NARS2: variants seen among roughly 807,000 people sequenced by gnomAD.
The protein encoded by NARS2 is asparaginyl-tRNA synthetase 2, mitochondrial.
A neutral mutation model predicts 62.9 loss-of-function variants in NARS2; 60 were observed. The observed-to-expected ratio is 0.95, with a 90% CI of 0.77 to 1.18. The LOEUF (loss-of-function observed/expected upper bound fraction) is 1.18, where lower values mean the gene tolerates loss of function less well. Among genes scored for constraint, NARS2 ranks in the 50% most tolerant of loss-of-function variants. The pLI is 0.00. For synonymous variants in NARS2, 196 were observed against 200.0 expected (o/e 0.98, Z 0.17); for missense variants, 619 against 576.4 (o/e 1.07, Z -0.76).
intron 11 of NARS2, among the ~76,000 whole-genome samples, chr11:78,459,570 G>A (rs1301483785): frequency 3.9e-5 from 6 of 151,994 alleles, no homozygotes; most frequent in East Asian, 1.9e-4. Context: ...GCGCCCAGCC[G>A]ATCTGATGGT....
At chr11:78,458,455 C>T (rs1858253013) in intron 11 of NARS2, among the ~76,000 whole-genome samples, 1 of 151,516 alleles carries the variant, frequency 6.6e-6, no homozygotes, top group Admixed American at 6.6e-5. Context: ...GATTAGGTGG[C>T]ATATGTAAAA....
chr11:78,499,675 T>G (rs1860210784), intron 6 of NARS2, among the ~76,000 whole-genome samples: 1 of 152,182 alleles, frequency 6.6e-6, no homozygotes, highest in African/African-American at 2.4e-5. Context: ...TTAAATTAAC[T>G]ATAACATTAC....
Position 78,528,865 on chromosome 11 carries a change from T to G in NARS2, c.666A>C (p.Gln222His). The stretch of plus-strand genomic sequence containing the variant: ...ACCCTGACATCACTTCTAGATGAAG[T>G]TGTCCTGAGACAGTTAAGAAAGCAG... ...NVPAFLTVSG[Q>H]LHLEVMSGAF... The change falls in exon 6 of 14, where the codon CAA becomes CAC. Residue 222 changes from glutamine to histidine, a missense_variant. Transcript: ENST00000281038. The G allele has an allele frequency of 6.2e-7, 1 of 1,611,844 alleles. No homozygotes were observed. The highest frequency in any genetic ancestry group is 8.5e-7 in the Non-Finnish European group (1 of 1,178,542).
chr11:78,544,799 A>C (rs1454713074), intron 5 of NARS2, among the ~76,000 whole-genome samples: 3 of 149,732 alleles, frequency 2.0e-5, no homozygotes, highest in Non-Finnish European at 4.5e-5. Context: ...GTCTCACAAA[A>C]AAAAAAAAAA....
At chr11:78,527,058 C>T (rs375131609) in intron 6 of NARS2, among the ~76,000 whole-genome samples, 5 of 152,128 alleles carry the variant, frequency 3.3e-5, no homozygotes, top group South Asian at 2.1e-4. Flanking sequence ...TGAAGTTACA[C>T]GCTAATTTAC....
intron 5 of NARS2, chr11:78,546,711 A>T (rs1051879543): frequency 6.6e-6 from 1 of 152,188 alleles, no homozygotes. Context: ...CCCCAATCTT[A>T]CCAATTTGCC....
chr11:78,509,826 C>CAAAAAAAAAA (rs71046976), intron 6 of NARS2, among the ~76,000 whole-genome samples: 2 of 116,722 alleles, frequency 1.7e-5, no homozygotes, highest in Admixed American at 8.8e-5. Flanking sequence ...GACTCTGTCT[C>CAAAAAAAAAA]AAAAAAAAAA....
chr11:78,571,284 C>T, intron 2 of NARS2, 51 bp downstream of exon 2: 1 of 1,169,154 alleles, frequency 8.6e-7, no homozygotes, highest in Middle Eastern at 1.9e-4. Flanking sequence ...GTGAGAAGCA[C>T]TAGAGGTGAA....
At chr11:78,436,886 T>G in intron 13 of NARS2, 72 bp from the exon 14 acceptor site, 2 of 1,461,472 alleles carry the variant, frequency 1.4e-6, no homozygotes, top group Non-Finnish European at 9.4e-7. Flanking sequence ...GAATTTAATG[T>G]TTCAAACGTA....
chr11:78,459,075 T>G (rs1489119724), intron 11 of NARS2, among the ~76,000 whole-genome samples: 3 of 151,932 alleles, frequency 2.0e-5, no homozygotes, highest in Non-Finnish European at 2.9e-5. Context: ...CCACCATGCC[T>G]GGCTACTTTT....
At chr11:78,489,095 A>G (rs966118648) in intron 7 of NARS2, among the ~76,000 whole-genome samples, 2 of 152,264 alleles carry the variant, frequency 1.3e-5, no homozygotes, top group African/African-American at 4.8e-5. Context: ...CACAAAAAGC[A>G]TAATCCATGA....
intron 12 of NARS2, 52 bp downstream of exon 12, chr11:78,443,609 A>G (rs1857650043): frequency 8.8e-6 from 12 of 1,358,934 alleles, no homozygotes; most frequent in Non-Finnish European, 1.3e-5. Flanking sequence ...ACCACCTTTG[A>G]GCGCCTTATG....
intron 5 of NARS2, among the ~76,000 whole-genome samples, chr11:78,551,054 G>A (rs1410593937): frequency 6.6e-6 from 1 of 152,178 alleles, no homozygotes; most frequent in Non-Finnish European, 1.5e-5. Context: ...TGGTTACCTA[G>A]AGCTAAGGGT....
chr11:78,566,276 C>T lies in NARS2; in HGVS notation c.373-4G>A, dbSNP rs1856741568. 6.4e-7 allele frequency: 1 copy of T among 1,568,452 alleles called. No homozygotes were observed. The highest frequency in any genetic ancestry group is 1.2e-5 in the South Asian group (1 of 84,040). The stretch of plus-strand genomic sequence containing the variant: ...CTTTATATTTGATGGGGAAATCCTG[C>T]CAATAAATGAAAAGAACAAATTAGA... On this transcript the variant is annotated splice_polypyrimidine_tract_variant and splice_region_variant and intron_variant, in intron 3 of 13. Transcript: ENST00000281038.
At chr11:78,521,854 G>C (rs567688948) in intron 6 of NARS2, among the ~76,000 whole-genome samples, 3 of 149,654 alleles carry the variant, frequency 2.0e-5, no homozygotes, top group African/African-American at 7.4e-5. Context: ...AGTTTTTGCA[G>C]ATCACAGTTC....
At position 78,443,326 on chromosome 11, in the gene NARS2, C is replaced by CAAA. The variant is rs11409113; in HGVS notation, c.1262+332_1262+334dup. Among the ~76,000 whole-genome samples, 571 of 82,912 alleles carry CAAA rather than the reference C, an allele frequency of 6.9e-3. 5 individuals carry two copies. The highest frequency in any genetic ancestry group is 0.02 in the African/African-American group (554 of 27,032). The allele number at this position is 82,912 out of a possible 152,430, so 54.4% of individuals were successfully genotyped here. On this transcript the variant is annotated intron_variant, in intron 12 of 13. Transcript: ENST00000281038. Reference sequence around the variant, plus strand: ...TGGGCAACACAGCAAGACTCCGTCTCAAAAAAAAAAAAAAAAATTAAAAAA... The same window carrying CAAA: ...TGGGCAACACAGCAAGACTCCGTCTCAAAAAAAAAAAAAAAAAAAATTAAAAAA...
intron 6 of NARS2, among the ~76,000 whole-genome samples, chr11:78,528,128 C>T (rs949086980): frequency 2.6e-5 from 4 of 151,948 alleles, no homozygotes; most frequent in Non-Finnish European, 5.9e-5. Flanking sequence ...CCCAGCTACT[C>T]AGAAGGCTGA....
chr11:78,567,639 A>C (rs1856789637), intron 3 of NARS2, among the ~76,000 whole-genome samples: 2 of 152,214 alleles, frequency 1.3e-5, no homozygotes, highest in South Asian at 4.1e-4. Flanking sequence ...GAAATCTTAG[A>C]ACCTGATTTC....
In NARS2 at chr11:78,449,090, G is replaced by C. The variant is rs933801649; in HGVS notation, c.1165-5332C>G. On this transcript the variant is annotated intron_variant, in intron 11 of 13. Coordinates refer to ENST00000281038, the MANE Select transcript of NARS2 (RefSeq NM_024678.6). ...TATCTGCAACTGCACAGTTATAGTT[G>C]TGTAACTGGAAGTTTCTAAACCTTT... Among the ~76,000 whole-genome samples the C allele has an allele frequency of 5.4e-5, 8 of 148,524 alleles. No individual in the cohort carries two copies. In the East Asian group the frequency reaches 1.6e-3, roughly 30 times the overall value.
Sources: allele counts gnomAD v4.1 joint callset (sites outside exome capture counted in the v4.1 genomes callset), GRCh38; gene constraint gnomAD v4.1.1; transcripts MANE v1.5; gene names NCBI Gene and HGNC (gene_info 2026-07-23, HGNC 2026-07-21).